Variants in TRIM50 observed in about 807,000 individuals in gnomAD.
TRIM50 encodes tripartite motif containing 50, also known as E3 ubiquitin-protein ligase TRIM50.
TRIM50 carries 34 observed loss-of-function variants against 44.9 expected under a neutral mutation model. That is an observed-to-expected ratio of 0.76 (90% CI 0.58 to 1.01). The LOEUF (loss-of-function observed/expected upper bound fraction) is 1.01, where lower values mean the gene tolerates loss of function less well. Among genes scored for constraint, TRIM50 ranks in the 50% least tolerant of loss-of-function variants. TRIM50 has a pLI of 0.00. For synonymous variants in TRIM50, 307 were observed against 291.1 expected, an observed-to-expected ratio of 1.05 and a Z score of -0.56; for missense variants, 633 against 663.7, an observed-to-expected ratio of 0.95 and a Z score of 0.51.
At chr7:73,314,541 T>C in intron 6 of TRIM50, 1 of 341,224 alleles carries the variant, frequency 2.9e-6, no homozygotes. Context: ...GTCACCACCT[T>C]GATGGAGAAC....
At chr7:73,323,218 C>G (rs1260812440) in intron 2 of TRIM50, among the ~76,000 whole-genome samples, 6 of 152,184 alleles carry the variant, frequency 3.9e-5, no homozygotes, top group Non-Finnish European at 8.8e-5. Context: ...CCGCCTTGCT[C>G]CCTCATCCTG....
chr7:73,316,536 T>C (rs1248887187), intron 6 of TRIM50, 29 bp downstream of exon 6: 19 of 1,613,074 alleles, frequency 1.2e-5, no homozygotes, highest in Non-Finnish European at 1.5e-5. Context: ...GCGGCAGCCC[T>C]CAGGAAGGAG....
intron 1 of TRIM50, among the ~76,000 whole-genome samples, chr7:73,326,693 G>A (rs1392349692): frequency 6.6e-6 from 1 of 151,542 alleles, no homozygotes; most frequent in African/African-American, 2.4e-5. Flanking sequence ...GTACTCTTTT[G>A]TGTCTGGTTA....
chr7:73,328,079 C>A lies in TRIM50; in HGVS notation c.-198G>T. The A allele has an allele frequency of 7.1e-6, 7 of 983,724 alleles. No individual in the cohort carries two copies. Among genetic ancestry groups the A allele is most frequent in the South Asian group, 1.5e-5 (1 of 66,888 alleles). 60.9% of individuals were successfully genotyped at this position (983,724 alleles called of 1,614,324 possible). A position where few individuals can be genotyped will look rare whatever the true frequency, so the allele number is the denominator to read the frequency against. ...GCGCTACCGCGCGTGCCCCATCATG[C>A]TCTGCGCGCTCCCATTACGTGCCGC... On this transcript the variant is annotated 5_prime_UTR_variant, in exon 1 of 7. Transcript: ENST00000333149.
chr7:73,326,947 GCC>G (rs1804647112), intron 1 of TRIM50, among the ~76,000 whole-genome samples: 1 of 152,046 alleles, frequency 6.6e-6, no homozygotes, highest in South Asian at 2.1e-4. Context: ...CTGCCACCAT[GCC>G]CGGCTAATTC....
rs138623562 is a variant in TRIM50, at chr7:73,318,956, C to G, written c.592G>C (p.Gly198Arg). 70 of 1,613,894 alleles carry G rather than the reference C, an allele frequency of 4.3e-5. No homozygotes were observed. The African/African-American group carries it at 6.9e-4, about 16-fold the overall frequency. ...GCCACCAGGCCACGGGTGTGACCCCCTATCCCCTCCAGGCAGCGGGCCTTC... is the reference window on the plus strand; with the variant it reads ...GCCACCAGGCCACGGGTGTGACCCCGTATCCCCTCCAGGCAGCGGGCCTTC... ...EEKARCLEGI[G>R]GHTRGLVASL... The change falls in exon 4 of 7, where the codon GGG (glycine) becomes CGG (arginine). Residue 198 changes from glycine to arginine, a missense_variant. Transcript: ENST00000333149.
intron 6 of TRIM50, among the ~76,000 whole-genome samples, chr7:73,315,815 G>GT (rs1243542206): frequency 6.6e-6 from 1 of 151,976 alleles, no homozygotes. Context: ...AGTAATTGCG[G>GT]TTTTTGCCAT....
intron 6 of TRIM50, chr7:73,314,234 G>A (rs782554450): frequency 9.0e-6 from 3 of 331,560 alleles, no homozygotes; most frequent in Admixed American, 4.2e-5. Flanking sequence ...CACTGGACAG[G>A]ACTTCCAGGC....
Position 73,312,556 on chromosome 7 carries a change from G to T in TRIM50, c.*365C>A. 4.6e-6 allele frequency: 1 copy of T among 215,250 alleles called. No homozygotes were observed. The highest frequency in any genetic ancestry group is 9.1e-6 in the Non-Finnish European group (1 of 110,188). 13.3% of individuals were successfully genotyped at this position (215,250 alleles called of 1,614,324 possible). ...AATCATTTAAAGAGAAAGAAATAAT[G>T]TCAAATTTATTATCCTTGATAGTAG... On this transcript the variant is annotated 3_prime_UTR_variant, in exon 7 of 7. Coordinates refer to ENST00000333149, the MANE Select transcript of TRIM50 (RefSeq NM_178125.3).
At chr7:73,319,163 A>G in intron 3 of TRIM50, 111 bp from the exon 4 acceptor site, 1 of 1,549,392 alleles carries the variant, frequency 6.5e-7, no homozygotes, top group Non-Finnish European at 8.8e-7. Flanking sequence ...CTGGGACCTG[A>G]GTCTCAGGGG....
At chr7:73,314,524 T>C in intron 6 of TRIM50, 1 of 359,680 alleles carries the variant, frequency 2.8e-6, no homozygotes, top group Non-Finnish European at 5.4e-6. Context: ...GAGCAGGAAT[T>C]AACACCGTCA....
Position 73,316,755 on chromosome 7 carries a change from T to A in TRIM50, c.750-66A>T, listed in dbSNP as rs371238067. ...CGTGGCCCACCCCACCCCTCCATCCTATCTATGTTTGCCCAGCCAGATCCA... is the reference window on the plus strand; with the variant it reads ...CGTGGCCCACCCCACCCCTCCATCCAATCTATGTTTGCCCAGCCAGATCCA... On this transcript the variant is annotated intron_variant, in intron 5 of 6. Coordinates refer to ENST00000333149, the MANE Select transcript of TRIM50 (RefSeq NM_178125.3). 6.0e-5 allele frequency: 94 copies of A among 1,578,538 alleles called. 1 individual carries two copies. The highest frequency in any genetic ancestry group is 2.9e-4 in the East Asian group (13 of 44,506).
chr7:73,314,389 G>A, intron 6 of TRIM50: 1 of 415,880 alleles, frequency 2.4e-6, no homozygotes, highest in Non-Finnish European at 4.6e-6. Flanking sequence ...CTATTCAGCT[G>A]CTTAAGCTGG....
In TRIM50 at chr7:73,313,810, G is replaced by A. The variant is rs1586472986; in HGVS notation, c.875-300C>T. ...GCAGCTTGGTGGGCTGTGGGGGGCT[G>A]AGGTGGCTGGAGAAAGAAATGGACA... On this transcript the variant is annotated intron_variant, in intron 6 of 6. Transcript: ENST00000333149. The surrounding 1 kb of genome is among the most constrained non-coding windows in gnomAD (Gnocchi z 4.9). Among the ~76,000 whole-genome samples, 10 of 152,328 alleles carry A rather than the reference G, an allele frequency of 6.6e-5. 1 individual carries two copies. The East Asian group carries it at 1.9e-3, about 29-fold the overall frequency.
chr7:73,318,957 T>C lies in TRIM50; in HGVS notation c.591A>G (p.Ile197Met). ...DEEKARCLEGIGGHTRGLVAS... is the reference protein window; with the variant it reads ...DEEKARCLEGMGGHTRGLVAS... ...CCACCAGGCCACGGGTGTGACCCCCTATCCCCTCCAGGCAGCGGGCCTTCT... is the reference window on the plus strand; with the variant it reads ...CCACCAGGCCACGGGTGTGACCCCCCATCCCCTCCAGGCAGCGGGCCTTCT... The change falls in exon 4 of 7, where the codon ATA (isoleucine) becomes ATG (methionine). Residue 197 changes from isoleucine to methionine, a missense_variant. Transcript: ENST00000333149. The C allele has an allele frequency of 6.2e-7, 1 of 1,613,978 alleles. No individual in the cohort carries two copies. The highest frequency in any genetic ancestry group is 8.5e-7 in the Non-Finnish European group (1 of 1,179,852).
chr7:73,327,815 T>A (rs1804674921), intron 1 of TRIM50, 85 bp downstream of exon 1: 1 of 281,542 alleles, frequency 3.6e-6, no homozygotes, highest in Admixed American at 4.9e-5. Flanking sequence ...GCTCCCACTG[T>A]GCGCCCCACC....
At chr7:73,322,335 C>T (rs1804516049) in intron 2 of TRIM50, among the ~76,000 whole-genome samples, 1 of 152,038 alleles carries the variant, frequency 6.6e-6, no homozygotes, top group South Asian at 2.1e-4. Context: ...GGCGACAGAG[C>T]GAGACTCTGT....
chr7:73,315,164 T>C (rs1196165248), intron 6 of TRIM50: 9 of 240,238 alleles, frequency 3.7e-5, no homozygotes, highest in East Asian at 2.9e-4. Flanking sequence ...GTGGCTCACA[T>C]TGCCAAGCTC....
Position 73,313,298 on chromosome 7 carries a change from G to T in TRIM50, c.1087C>A (p.Leu363Met). 1 of 1,605,806 alleles carries T rather than the reference G, an allele frequency of 6.2e-7. No homozygotes were observed. The highest frequency in any genetic ancestry group is 1.1e-5 in the South Asian group (1 of 89,596). ...CTGGCTGTGCCCTTGATGACCCCCA[G>T]GCGCCAGTCGCTCTTGCTGCCCACC... ...VVVGSKSDWRLGVIKGTASRK... is the reference protein window; with the variant it reads ...VVVGSKSDWRMGVIKGTASRK... The change falls in exon 7 of 7, where the codon CTG becomes ATG. Residue 363 changes from leucine to methionine, a missense_variant. Transcript: ENST00000333149. This position sits in a 1 kb window ranked among gnomAD's most constrained non-coding sequence, Gnocchi z 4.9.
Sources: allele counts gnomAD v4.1 joint callset (sites outside exome capture counted in the v4.1 genomes callset), GRCh38; gene constraint gnomAD v4.1.1; non-coding constraint Gnocchi (gnomAD v3.1); transcripts MANE v1.5; gene names NCBI Gene and HGNC (gene_info 2026-07-23, HGNC 2026-07-21).